The following TDRD1 variants were observed in gnomAD, a reference collection of about 807,000 sequenced individuals.
The protein encoded by TDRD1 is tudor domain containing 1, also known as tudor domain-containing protein 1.
TDRD1 carries 37 observed loss-of-function variants against 140.6 expected under a neutral mutation model. That is an observed-to-expected ratio of 0.26 (90% CI 0.20 to 0.35). TDRD1 has a LOEUF of 0.35. Among genes scored for constraint, TDRD1 ranks in the 10% least tolerant of loss-of-function variants. The probability of loss-of-function intolerance (pLI) is 1.00; values close to 1 mark genes in which losing one functional copy is unlikely to be tolerated. For missense variants in TDRD1, 1,243 were observed against 1,393.0 expected, an observed-to-expected ratio of 0.89 and a Z score of 1.71; for synonymous variants, 506 against 475.7, an observed-to-expected ratio of 1.06 and a Z score of -0.83.
In TDRD1 at chr10:114,231,849, G is replaced by A. The variant is rs549831302; in HGVS notation, c.*332G>A. ...CTCACGCCCAGCACTTTGGGAGGCT[G>A]AGGTGGGAGGATCCCTTGAGGCCAG... On this transcript the variant is annotated 3_prime_UTR_variant, in exon 26 of 26. Coordinates refer to ENST00000251864, the Ensembl canonical transcript of TDRD1. 1.7e-5 allele frequency: 4 copies of A among 237,088 alleles called. No homozygotes were observed. The South Asian group carries it at 4.9e-4, about 29-fold the overall frequency. 14.7% of individuals were successfully genotyped at this position (237,088 alleles called of 1,614,324 possible). A position where few individuals can be genotyped will look rare whatever the true frequency, so the allele number is the denominator to read the frequency against.
upstream of TDRD1, among the ~76,000 whole-genome samples, chr10:114,176,966 A>G (rs2032707122): frequency 6.6e-6 from 1 of 152,240 alleles, no homozygotes; most frequent in Admixed American, 6.5e-5. This position sits in a 1 kb window ranked among gnomAD's most constrained non-coding sequence, Gnocchi z 4.2. Context: ...TTAACAAACA[A>G]AATACCACCT....
intron 20 of TDRD1, 108 bp downstream of exon 20, chr10:114,221,584 T>C: frequency 9.0e-7 from 1 of 1,109,586 alleles, no homozygotes; most frequent in East Asian, 2.4e-5. Flanking sequence ...AGGCTCACTG[T>C]TTTAAGGAAG....
intron 20 of TDRD1, 31 bp from the exon 21 acceptor site, chr10:114,222,556 C>T: frequency 7.0e-7 from 1 of 1,433,558 alleles, no homozygotes; most frequent in Non-Finnish European, 9.8e-7. Flanking sequence ...TGGAAATTTT[C>T]TTCACAAAAG....
At chr10:114,217,650 T>A in exon 17 of TDRD1, 1 of 1,583,886 alleles carries the variant, frequency 6.3e-7, no homozygotes, top group Non-Finnish European at 8.6e-7. Context: ...TGTGCTTTTT[T>A]TGCAGGTAAG....
At chr10:114,221,543 T>A in intron 20 of TDRD1, 67 bp downstream of exon 20, 2 of 1,456,314 alleles carry the variant, frequency 1.4e-6, no homozygotes, top group Non-Finnish European at 1.9e-6. Context: ...AGTGCTGGTC[T>A]TGAATTCCTT....
intron 2 of TDRD1, among the ~76,000 whole-genome samples, chr10:114,189,568 G>T (rs2033806636): frequency 6.6e-6 from 1 of 152,130 alleles, no homozygotes; most frequent in Non-Finnish European, 1.5e-5. Context: ...TTTCTGGTGA[G>T]ATGCATGATG....
intron 1 of TDRD1, among the ~76,000 whole-genome samples, chr10:114,182,227 G>T (rs1368037138): frequency 6.6e-6 from 1 of 152,202 alleles, no homozygotes; most frequent in Non-Finnish European, 1.5e-5. Context: ...GGCAGCAACA[G>T]CTGGGAAGGG....
chr10:114,227,815 G>T, intron 23 of TDRD1, 95 bp from the exon 24 acceptor site: 1 of 945,480 alleles, frequency 1.1e-6, no homozygotes, highest in Non-Finnish European at 1.7e-6. Context: ...GAACCCATGC[G>T]CAAGGGGGAG....
intron 11 of TDRD1, among the ~76,000 whole-genome samples, chr10:114,208,997 TG>T (rs1392302676): frequency 6.6e-6 from 1 of 152,086 alleles, no homozygotes; most frequent in Admixed American, 6.6e-5. Flanking sequence ...TTGGCCAGGA[TG>T]GTCTCCATCT....
chr10:114,206,923 G>T (rs1369906975), intron 11 of TDRD1, among the ~76,000 whole-genome samples: 1 of 150,934 alleles, frequency 6.6e-6, no homozygotes, highest in African/African-American at 2.4e-5. Context: ...GCCAAGTTAG[G>T]GCTTTTTAGC....
intron 10 of TDRD1, among the ~76,000 whole-genome samples, chr10:114,205,261 C>T (rs764496042): frequency 2.0e-5 from 3 of 152,180 alleles, no homozygotes; most frequent in Non-Finnish European, 2.9e-5. Flanking sequence ...TTGGCTAGTA[C>T]ATAGTAGCTA....
chr10:114,201,233 T>A (rs1291031273), intron 4 of TDRD1, among the ~76,000 whole-genome samples, 177 bp from the exon 5 acceptor site: 2 of 152,172 alleles, frequency 1.3e-5, no homozygotes, highest in Admixed American at 1.3e-4. Flanking sequence ...CTCCCTTTTT[T>A]TAATCTTTGT....
chr10:114,175,003 G>C (rs181902686), upstream of TDRD1, among the ~76,000 whole-genome samples: 1 of 152,238 alleles, frequency 6.6e-6, no homozygotes, highest in African/African-American at 2.4e-5. Flanking sequence ...AGCTGATGCA[G>C]ACGATTCTGC....
intron 22 of TDRD1, among the ~76,000 whole-genome samples, chr10:114,226,456 C>T (rs2036442112): frequency 6.6e-6 from 1 of 152,170 alleles, no homozygotes; most frequent in South Asian, 2.1e-4. Context: ...TTCAGAGATT[C>T]GGTTTTGCCC....
intron 11 of TDRD1, 133 bp downstream of exon 11, chr10:114,206,463 C>T: frequency 1.6e-6 from 1 of 618,192 alleles, no homozygotes; most frequent in South Asian, 2.3e-5. Context: ...TTTAAATACG[C>T]TGTTTTATAT....
upstream of TDRD1, chr10:114,179,123 T>A (rs958703937): frequency 6.6e-6 from 1 of 152,242 alleles, no homozygotes; most frequent in Non-Finnish European, 1.5e-5. Context: ...GCCAGAGACA[T>A]CTTTCTAGAA....
upstream of TDRD1, among the ~76,000 whole-genome samples, chr10:114,177,176 A>G (rs759065843): frequency 4.6e-5 from 7 of 152,244 alleles, no homozygotes; most frequent in Non-Finnish European, 1.0e-4. Flanking sequence ...AAGAATTTCA[A>G]ATAATTTCTG....
intron 11 of TDRD1, among the ~76,000 whole-genome samples, chr10:114,207,553 T>C (rs181261528): frequency 6.6e-6 from 1 of 152,308 alleles, no homozygotes; most frequent in Admixed American, 6.5e-5. Context: ...ACAGCTCTGA[T>C]GAAAAGCTTT....
Position 114,196,071 on chromosome 10 carries a change from A to G in TDRD1, c.385-3102A>G, listed in dbSNP as rs77951414. Among the ~76,000 whole-genome samples the G allele has an allele frequency of 5.1e-3, 777 of 152,336 alleles. 7 individuals carry two copies. The highest frequency in any genetic ancestry group is 0.017 in the African/African-American group (725 of 41,580). ...TCTCAGATTTAGAACGCCTTCAGAC[A>G]GTTTATCATTTTTGCTCAAACTCTC... On this transcript the variant is annotated intron_variant, in intron 3 of 25. Transcript: ENST00000251864.
Sources: allele counts gnomAD v4.1 joint callset (sites outside exome capture counted in the v4.1 genomes callset), GRCh38; gene constraint gnomAD v4.1.1; non-coding constraint Gnocchi (gnomAD v3.1); transcripts MANE v1.5; gene names NCBI Gene and HGNC (gene_info 2026-07-23, HGNC 2026-07-21).